NCK2: variants seen among roughly 807,000 people sequenced by gnomAD.
NCK2 encodes cytoplasmic protein NCK2.
NCK2 carries 16 observed loss-of-function variants against 33.9 expected under a neutral mutation model. The observed-to-expected ratio is 0.47, with a 90% CI of 0.32 to 0.72. The LOEUF is 0.72. NCK2 is among the 30% of genes least tolerant of loss of function. NCK2 has a pLI of 0.03. For synonymous variants in NCK2, 273 were observed against 239.9 expected (o/e 1.14, Z -1.27); for missense variants, 418 against 537.3 (o/e 0.78, Z 2.19).
At chr2:105,879,245 G>A (rs1160678937) in intron 3 of NCK2, among the ~76,000 whole-genome samples, 1 of 152,114 alleles carries the variant, frequency 6.6e-6, no homozygotes, top group East Asian at 1.9e-4. Context: ...GCCAATAAAA[G>A]TTGGCCTCAG....
At chr2:105,818,984 A>G (rs1675617191) in intron 2 of NCK2, among the ~76,000 whole-genome samples, 1 of 152,180 alleles carries the variant, frequency 6.6e-6, no homozygotes, top group African/African-American at 2.4e-5. Context: ...TGCAATAAGG[A>G]TAGGATTAAG....
intron 3 of NCK2, among the ~76,000 whole-genome samples, chr2:105,859,047 GGGCTGA>G (rs2104595147): frequency 6.6e-6 from 1 of 152,322 alleles, no homozygotes; most frequent in African/African-American, 2.4e-5. Flanking sequence ...GAGCGGTCCT[GGGCTGA>G]GGTCTGGCCT....
At chr2:105,860,520 G>C (rs1296407417) in intron 3 of NCK2, among the ~76,000 whole-genome samples, 2 of 152,124 alleles carry the variant, frequency 1.3e-5, no homozygotes, top group African/African-American at 2.4e-5. Context: ...CTGGAGTGAA[G>C]TTCACAGCGG....
intron 2 of NCK2, among the ~76,000 whole-genome samples, chr2:105,847,780 A>T (rs1273516169): frequency 6.6e-6 from 1 of 152,214 alleles, no homozygotes; most frequent in Non-Finnish European, 1.5e-5. Flanking sequence ...ATTTTATAAT[A>T]GCTTGACTAC....
intron 3 of NCK2, among the ~76,000 whole-genome samples, chr2:105,873,105 C>A (rs1678081957): frequency 6.6e-6 from 1 of 152,248 alleles, no homozygotes; most frequent in Non-Finnish European, 1.5e-5. Flanking sequence ...AGTGTCATGT[C>A]TGAGCCTCCA....
chr2:105,798,675 A>G (rs1467909994), intron 1 of NCK2, among the ~76,000 whole-genome samples: 1 of 152,174 alleles, frequency 6.6e-6, no homozygotes, highest in African/African-American at 2.4e-5. Flanking sequence ...GCTGGTGATT[A>G]AGTTTATGTG....
rs1226124084 is a variant in NCK2 at position 105,881,904 on chromosome 2, A to C, written c.803A>C (p.Gln268Pro). ...GCCCTGCACCCTGCGCACGCCCCAC[A>C]GATAAGCTACACCGGGCCCTCGTCC... ...GPALHPAHAPQISYTGPSSSG... is the reference protein window; with the variant it reads ...GPALHPAHAPPISYTGPSSSG... Residue 268 changes from glutamine (Q) to proline (P), a missense_variant, in exon 4 of 5, where the codon CAG becomes CCG. Coordinates refer to ENST00000233154, the MANE Select transcript of NCK2 (RefSeq NM_003581.5). 2 of 1,568,922 alleles carry C rather than the reference A, an allele frequency of 1.3e-6. No individual in the cohort carries two copies. Among genetic ancestry groups the C allele is most frequent in the South Asian group, 1.2e-5 (1 of 83,452 alleles).
chr2:105,844,230 G>A (rs1018065430), intron 2 of NCK2, among the ~76,000 whole-genome samples: 11 of 152,116 alleles, frequency 7.2e-5, no homozygotes, highest in Non-Finnish European at 1.3e-4. Context: ...GTCAAGAGGC[G>A]CCTAAGCAGA....
At chr2:105,840,564 C>G (rs1470438936) in intron 2 of NCK2, among the ~76,000 whole-genome samples, 1 of 152,190 alleles carries the variant, frequency 6.6e-6, no homozygotes, top group African/African-American at 2.4e-5. Flanking sequence ...CAGCATCAGT[C>G]CCATAGTTTG....
At chr2:105,785,471 A>G (rs1162754671) in intron 1 of NCK2, among the ~76,000 whole-genome samples, 2 of 152,228 alleles carry the variant, frequency 1.3e-5, no homozygotes, top group African/African-American at 2.4e-5. Context: ...AGAAAGATAG[A>G]GTCCAAAGTG....
At chr2:105,875,374 G>T (rs752873337) in intron 3 of NCK2, among the ~76,000 whole-genome samples, 9 of 152,192 alleles carry the variant, frequency 5.9e-5, no homozygotes, top group Non-Finnish European at 1.3e-4. Flanking sequence ...GCCCCGCCCA[G>T]TCCCCTGGGC....
At chr2:105,841,362 T>C (rs553133027) in intron 2 of NCK2, among the ~76,000 whole-genome samples, 169 of 152,328 alleles carry the variant, frequency 1.1e-3, no homozygotes, top group African/African-American at 4.0e-3. Context: ...ATTGAATGTC[T>C]ACCTCAGTCA....
At chr2:105,871,953 G>T (rs139405514) in intron 3 of NCK2, among the ~76,000 whole-genome samples, 2 of 152,166 alleles carry the variant, frequency 1.3e-5, no homozygotes, top group African/African-American at 4.8e-5. Flanking sequence ...CTGAGATTTC[G>T]TGCAAGGGAA....
At chr2:105,775,609 GACAAAGGAGCTGTTTGTTTCATGCA>G (rs1484892294) in intron 1 of NCK2, among the ~76,000 whole-genome samples, 1 of 152,058 alleles carries the variant, frequency 6.6e-6, no homozygotes, top group Non-Finnish European at 1.5e-5. Context: ...TTCTGCTGTA[GACAAAGGAGCTGTTTGTTTCATGCA>G]ACCTTTCAAG....
At chr2:105,771,979 T>C (rs1231061735) in intron 1 of NCK2, among the ~76,000 whole-genome samples, 1 of 152,114 alleles carries the variant, frequency 6.6e-6, no homozygotes, top group African/African-American at 2.4e-5. Context: ...CCCTTCAAAA[T>C]TGGATATTGT....
intron 1 of NCK2, among the ~76,000 whole-genome samples, chr2:105,793,437 C>T (rs1690964545): frequency 6.6e-6 from 1 of 151,336 alleles, no homozygotes; most frequent in Non-Finnish European, 1.5e-5. Context: ...TCTGGTCAGG[C>T]AGGGAACTTC....
At chr2:105,882,197 C>T in intron 4 of NCK2, 148 bp downstream of exon 4, 1 of 981,684 alleles carries the variant, frequency 1.0e-6, no homozygotes, top group Non-Finnish European at 1.3e-6. Context: ...ATGTTTGCTA[C>T]TCCGTGATTT....
intron 2 of NCK2, among the ~76,000 whole-genome samples, chr2:105,819,229 G>T (rs1464193777): frequency 6.6e-6 from 1 of 151,494 alleles, no homozygotes; most frequent in Non-Finnish European, 1.5e-5. Flanking sequence ...TCCAGACCTT[G>T]TGCAAGACAG....
chr2:105,827,989 A>T (rs1005305280), intron 2 of NCK2, among the ~76,000 whole-genome samples: 18 of 152,218 alleles, frequency 1.2e-4, no homozygotes, highest in African/African-American at 4.3e-4. Context: ...TACTGCAGTT[A>T]TGTAGAATGT....
Sources: gnomAD v4.1 joint callset for allele counts (sites outside exome capture counted in the v4.1 genomes callset) on GRCh38, gnomAD v4.1.1 for gene constraint, MANE v1.5 for transcripts, NCBI Gene and HGNC (gene_info 2026-07-23, HGNC 2026-07-21) for gene names.